The following ZBTB7C variants were observed in gnomAD, a reference collection of about 807,000 sequenced individuals.
ZBTB7C encodes zinc finger and BTB domain containing 7C, also known as zinc finger and BTB domain-containing protein 7C.
ZBTB7C carries 8 observed loss-of-function variants against 25.7 expected under a neutral mutation model. That is an observed-to-expected ratio of 0.31 (90% CI 0.18 to 0.56). ZBTB7C has a LOEUF of 0.56. ZBTB7C is among the 20% of genes least tolerant of loss of function. The pLI, the probability that ZBTB7C is intolerant of heterozygous loss-of-function variation, is 0.91. For synonymous variants in ZBTB7C, 394 were observed against 369.0 expected, an observed-to-expected ratio of 1.07 and a Z score of -0.78; for missense variants, 824 against 855.2, an observed-to-expected ratio of 0.96 and a Z score of 0.46.
At position 48,338,154 on chromosome 18, in the gene ZBTB7C, A is replaced by G. The variant is rs1254749780; in HGVS notation, c.-79+20T>C. ...CTGCCATATCATTCATAAAGGATAGACAAGCCTCAGGTTCATTACCTGTCA... is the reference window on the plus strand; with the variant it reads ...CTGCCATATCATTCATAAAGGATAGGCAAGCCTCAGGTTCATTACCTGTCA... On this transcript the variant is annotated intron_variant, in intron 2 of 4. Coordinates refer to ENST00000590800, the MANE Select transcript of ZBTB7C (RefSeq NM_001318841.2). 1.3e-5 allele frequency: 2 copies of G among 152,230 alleles called. No individual in the cohort carries two copies. Among genetic ancestry groups the G allele is most frequent in the African/African-American group, 4.8e-5 (2 of 41,458 alleles). The allele number at this position is 152,230 out of a possible 1,614,324, so 9.4% of individuals were successfully genotyped here.
intron 3 of ZBTB7C, among the ~76,000 whole-genome samples, chr18:48,154,925 A>C (rs1055339641): frequency 4.6e-5 from 7 of 152,234 alleles, no homozygotes; most frequent in African/African-American, 1.7e-4. Context: ...TCAAGTCTGC[A>C]TAATAGGAAC....
At chr18:48,196,858 A>G (rs970368789) in intron 2 of ZBTB7C, among the ~76,000 whole-genome samples, 7 of 152,212 alleles carry the variant, frequency 4.6e-5, no homozygotes, top group African/African-American at 1.4e-4. Context: ...CTTCAGAAGA[A>G]CATATCTGTA....
intron 3 of ZBTB7C, among the ~76,000 whole-genome samples, chr18:48,084,342 C>G (rs184375215): frequency 2.0e-5 from 3 of 152,220 alleles, no homozygotes; most frequent in African/African-American, 7.2e-5. Context: ...GCTTAGGTCT[C>G]TTCGCCCTGT....
intron 2 of ZBTB7C, among the ~76,000 whole-genome samples, chr18:48,191,269 G>A (rs1428333582): frequency 6.6e-6 from 1 of 152,176 alleles, no homozygotes; most frequent in African/African-American, 2.4e-5. Context: ...CCTGTGGCAG[G>A]GTCTGTAGCT....
intron 2 of ZBTB7C, among the ~76,000 whole-genome samples, chr18:48,333,813 C>T (rs1568382259): frequency 1.3e-5 from 2 of 152,158 alleles, no homozygotes; most frequent in Admixed American, 6.5e-5. Context: ...ACCACTGCAG[C>T]GAGCATCAAA....
intron 3 of ZBTB7C, among the ~76,000 whole-genome samples, chr18:48,072,036 G>T (rs774934180): frequency 6.6e-6 from 1 of 152,214 alleles, no homozygotes; most frequent in Non-Finnish European, 1.5e-5. Flanking sequence ...GCATTACACT[G>T]TGAATACACT....
chr18:48,339,157 G>A (rs1160402481), intron 1 of ZBTB7C, among the ~76,000 whole-genome samples: 1 of 152,192 alleles, frequency 6.6e-6, no homozygotes, highest in Non-Finnish European at 1.5e-5. Context: ...GCCCATCTCC[G>A]GACAAGTCCA....
intron 4 of ZBTB7C, among the ~76,000 whole-genome samples, chr18:48,039,538 T>C (rs1487133525): frequency 6.6e-6 from 1 of 152,180 alleles, no homozygotes; most frequent in Non-Finnish European, 1.5e-5. Context: ...CGGCACTCCA[T>C]CTGGGGAGGG....
At chr18:48,225,583 G>A (rs1045968382) in intron 2 of ZBTB7C, among the ~76,000 whole-genome samples, 1 of 152,126 alleles carries the variant, frequency 6.6e-6, no homozygotes, top group Admixed American at 6.5e-5. Context: ...TGAGATGGTA[G>A]CACTTATTTT....
At chr18:48,031,318 C>A (rs976141497) in intron 4 of ZBTB7C, among the ~76,000 whole-genome samples, 5 of 152,188 alleles carry the variant, frequency 3.3e-5, no homozygotes, top group Non-Finnish European at 7.4e-5. Flanking sequence ...GTCCTCCCAC[C>A]TGTGCTCACA....
At chr18:48,366,455 T>A (rs899601227) in intron 1 of ZBTB7C, among the ~76,000 whole-genome samples, 2 of 152,170 alleles carry the variant, frequency 1.3e-5, no homozygotes, top group African/African-American at 4.8e-5. Context: ...TCAATAATTT[T>A]AAAATATACA....
chr18:48,143,284 A>G (rs1005827598), intron 3 of ZBTB7C, among the ~76,000 whole-genome samples: 2 of 152,006 alleles, frequency 1.3e-5, no homozygotes, highest in Non-Finnish European at 2.9e-5. Context: ...CTCCCAGGGG[A>G]GTGCTTTTTT....
chr18:48,238,594 A>T (rs1404097366), intron 2 of ZBTB7C, among the ~76,000 whole-genome samples: 1 of 152,226 alleles, frequency 6.6e-6, no homozygotes, highest in African/African-American at 2.4e-5. Flanking sequence ...TGAAATATAA[A>T]AGTAGAAGCA....
At chr18:48,290,668 C>T (rs970244317) in intron 2 of ZBTB7C, among the ~76,000 whole-genome samples, 4 of 152,158 alleles carry the variant, frequency 2.6e-5, no homozygotes, top group African/African-American at 7.2e-5. Context: ...AGCTCTGTGC[C>T]GCAGGCGCCC....
chr18:48,251,856 G>A (rs2043868211), intron 2 of ZBTB7C, among the ~76,000 whole-genome samples: 1 of 152,098 alleles, frequency 6.6e-6, no homozygotes, highest in Non-Finnish European at 1.5e-5. Flanking sequence ...GACCCATTCA[G>A]GTGTCCCTCT....
At chr18:48,227,189 A>G (rs2043125521) in intron 2 of ZBTB7C, among the ~76,000 whole-genome samples, 1 of 152,230 alleles carries the variant, frequency 6.6e-6, no homozygotes, top group African/African-American at 2.4e-5. Flanking sequence ...GGCTTGGACA[A>G]GCATCCACGA....
In ZBTB7C at chr18:48,097,732, C is replaced by A. The variant is rs531393880; in HGVS notation, c.-16-56609G>T. On this transcript the variant is annotated intron_variant, in intron 3 of 4. Coordinates refer to ENST00000590800, the MANE Select transcript of ZBTB7C (RefSeq NM_001318841.2). ...ACCACTGAGGACCTAGTTGGTTGCCCATAGCTTTCCCGGCTCCAGTCTCTC... is the reference window on the plus strand; with the variant it reads ...ACCACTGAGGACCTAGTTGGTTGCCAATAGCTTTCCCGGCTCCAGTCTCTC... Among the ~76,000 whole-genome samples the A allele has an allele frequency of 2.6e-4, 39 of 152,270 alleles. No homozygotes were observed. The South Asian group carries it at 6.9e-3, about 27-fold the overall frequency.
intron 2 of ZBTB7C, among the ~76,000 whole-genome samples, chr18:48,269,695 C>T (rs889090338): frequency 4.6e-5 from 7 of 152,194 alleles, no homozygotes; most frequent in Admixed American, 4.6e-4. Flanking sequence ...ATTATAGGGA[C>T]ACCTGGGACC....
chr18:48,310,696 T>C lies in ZBTB7C; in HGVS notation c.-79+27478A>G, dbSNP rs148760382. Among the ~76,000 whole-genome samples the C allele has an allele frequency of 5.3e-4, 81 of 152,332 alleles. 1 individual carries two copies. In the East Asian group the frequency reaches 0.015, roughly 29 times the overall value. On this transcript the variant is annotated intron_variant, in intron 2 of 4. Coordinates refer to ENST00000590800, the MANE Select transcript of ZBTB7C (RefSeq NM_001318841.2). ...TGTTCAGAACACATTTGGGAGTGCA[T>C]CTGCCTCAAAGCTCAGGGGTTTCTT...
Sources: allele counts gnomAD v4.1 joint callset (sites outside exome capture counted in the v4.1 genomes callset), GRCh38; gene constraint gnomAD v4.1.1; transcripts MANE v1.5; gene names NCBI Gene and HGNC (gene_info 2026-07-23, HGNC 2026-07-21).